UBAP2L: variants seen among roughly 807,000 people sequenced by gnomAD.
UBAP2L encodes the protein ubiquitin-associated protein 2-like.
In UBAP2L, 12 loss-of-function variants were observed where a neutral mutation model predicts 130.6. That is an observed-to-expected ratio of 0.09 (90% CI 0.06 to 0.15). The LOEUF is 0.15. Among genes scored for constraint, UBAP2L ranks in the 10% least tolerant of loss-of-function variants. UBAP2L has a pLI of 1.00. For synonymous variants in UBAP2L, 503 were observed against 524.7 expected, an observed-to-expected ratio of 0.96 and a Z score of 0.57; for missense variants, 965 against 1,332.5, an observed-to-expected ratio of 0.72 and a Z score of 4.29.
chr1:154,236,827 T>G, intron 7 of UBAP2L, among the ~76,000 whole-genome samples, 197 bp from the exon 8 acceptor site: 1 of 152,176 alleles, frequency 6.6e-6, no homozygotes, highest in South Asian at 2.1e-4. Context: ...TCAGAATATC[T>G]TAGATATATG....
chr1:154,235,128 G>C (rs1273278504), intron 5 of UBAP2L, 68 bp from the exon 6 acceptor site: 2 of 701,620 alleles, frequency 2.9e-6, no homozygotes, highest in African/African-American at 3.6e-5. Flanking sequence ...CCTGTTGACT[G>C]TGCTCTGGCC....
chr1:154,251,671 C>T lies in UBAP2L; in HGVS notation c.1664+18C>T, dbSNP rs1677639453. The stretch of plus-strand genomic sequence containing the variant: ...ACGGCCAGGTAGAGGAAACATTAAC[C>T]ATAAGACCTCTCTTATTAACCTTTA... On this transcript the variant is annotated intron_variant, in intron 14 of 26. Transcript: ENST00000428931. 6.2e-7 allele frequency: 1 copy of T among 1,612,812 alleles called. No individual in the cohort carries two copies. The highest frequency in any genetic ancestry group is 8.5e-7 in the Non-Finnish European group (1 of 1,179,602).
chr1:154,257,433 C>A lies in UBAP2L; in HGVS notation c.2441C>A (p.Pro814Gln). The change falls in exon 20 of 27, where the codon CCG becomes CAG. Residue 814 changes from proline to glutamine, a missense_variant and splice_region_variant. Around this residue, in one of 9 missense-constraint regions of UBAP2L, gnomAD observed 393 missense variants for 408.1 expected, o/e 0.96. Transcript: ENST00000428931. Reference protein sequence around the residue: ...IMAPGLLHAYPPQVYGYDDLQ... With the variant: ...IMAPGLLHAYQPQVYGYDDLQ... ...GCTCCAGGGCTGTTACATGCCTACC[C>A]GGTAAGTGGGACTAAAGGATCTTCT... 1 of 1,612,474 alleles carries A rather than the reference C, an allele frequency of 6.2e-7. No homozygotes were observed. Among genetic ancestry groups the A allele is most frequent in the Non-Finnish European group, 8.5e-7 (1 of 1,179,972 alleles).
chr1:154,230,673 A>C (rs1571631361), intron 4 of UBAP2L, among the ~76,000 whole-genome samples: 1 of 152,318 alleles, frequency 6.6e-6, no homozygotes, highest in African/African-American at 2.4e-5. Flanking sequence ...TAGTGCTATA[A>C]GGCTGATGTT....
At position 154,270,389 on chromosome 1, in the gene UBAP2L, G is replaced by T. The variant is rs1278064037; in HGVS notation, c.*94G>T. On this transcript the variant is annotated 3_prime_UTR_variant, in exon 27 of 27. Coordinates refer to ENST00000428931, the MANE Select transcript of UBAP2L (RefSeq NM_014847.4). ...CATCAAAGAGAAAGGAATGTGGGGGGTTTCCGCTGCCCCCCACCCCCAGCG... is the reference window on the plus strand; with the variant it reads ...CATCAAAGAGAAAGGAATGTGGGGGTTTTCCGCTGCCCCCCACCCCCAGCG... 6.4e-7 allele frequency: 1 copy of T among 1,559,546 alleles called. No individual in the cohort carries two copies. The highest frequency in any genetic ancestry group is 1.4e-5 in the African/African-American group (1 of 73,754).
rs1393420983 is a variant in UBAP2L at position 154,235,181 on chromosome 1, T to C, written c.449-15T>C. The C allele has an allele frequency of 1.3e-5, 10 of 754,670 alleles. No homozygotes were observed. Among genetic ancestry groups the C allele is most frequent in the African/African-American group, 5.2e-5 (3 of 57,920 alleles). 46.7% of individuals were successfully genotyped at this position (754,670 alleles called of 1,614,324 possible). ...TTTGTTGTTGTTGTTGTTTTAATTT[T>C]TATTTTTATTTCAGTTCGAGGTCAG... On this transcript the variant is annotated splice_polypyrimidine_tract_variant and intron_variant, in intron 5 of 26. Transcript: ENST00000428931.
chr1:154,260,070 G>T, intron 22 of UBAP2L, 41 bp downstream of exon 22: 2 of 1,594,654 alleles, frequency 1.3e-6, no homozygotes, highest in East Asian at 2.2e-5. Flanking sequence ...AAGGGAGATA[G>T]TGTTGGGATT....
At chr1:154,255,437 G>C (rs1259351074) in intron 17 of UBAP2L, 111 bp downstream of exon 17, 12 of 1,391,032 alleles carry the variant, frequency 8.6e-6, no homozygotes, top group East Asian at 6.9e-5. Flanking sequence ...TGCTTTTGTC[G>C]TAAGTGGGTG....
intron 14 of UBAP2L, among the ~76,000 whole-genome samples, chr1:154,252,304 T>TG (rs1190905830): frequency 6.8e-5 from 9 of 131,558 alleles, no homozygotes. Context: ...TTTTTTTAGA[T>TG]GGAGTTTTGC....
At chr1:154,220,523 T>C (rs577368300), upstream of UBAP2L, 344 of 1,190,986 alleles carry the variant, frequency 2.9e-4, no homozygotes, top group African/African-American at 4.8e-3. Context: ...GCCATTTCCT[T>C]ACGGGGGAAG....
chr1:154,244,611 G>T (rs948964325), intron 10 of UBAP2L, among the ~76,000 whole-genome samples: 4 of 152,030 alleles, frequency 2.6e-5, no homozygotes, highest in African/African-American at 9.7e-5. Context: ...ACCCACCTCA[G>T]CCTCCCAAAG....
Position 154,255,670 on chromosome 1 carries a change from T to C in UBAP2L, c.2085-13T>C. The C allele has an allele frequency of 6.2e-7, 1 of 1,614,144 alleles. No individual in the cohort carries two copies. The highest frequency in any genetic ancestry group is 8.5e-7 in the Non-Finnish European group (1 of 1,180,016). On this transcript the variant is annotated splice_polypyrimidine_tract_variant and intron_variant, in intron 17 of 26. Coordinates refer to ENST00000428931, the MANE Select transcript of UBAP2L (RefSeq NM_014847.4). ...AGCACTATGGCTGATGGCAGCCTCTTTTTTTCTGACAGCACGTTATCTACG... is the reference window on the plus strand; with the variant it reads ...AGCACTATGGCTGATGGCAGCCTCTCTTTTTCTGACAGCACGTTATCTACG...
chr1:154,233,868 GT>G (rs1670738326), intron 4 of UBAP2L, among the ~76,000 whole-genome samples: 1 of 146,428 alleles, frequency 6.8e-6, no homozygotes, highest in Non-Finnish European at 1.5e-5. Flanking sequence ...AAGGAAATTA[GT>G]TTTTTCTTTT....
In UBAP2L at chr1:154,270,235, C is replaced by T; in HGVS notation, c.3204C>T (p.Ile1068=). The stretch of plus-strand genomic sequence containing the variant: ...GGCAACGTAGCCAGACCAGCTCCAT[C>T]CCGCAGAAGCCCCAGACCAACAAGT... ...GSGQRSQTSS[I]PQKPQTNKSA... The change falls in exon 27 of 27, where the codon ATC becomes ATT. Residue 1068 remains isoleucine (I), a synonymous_variant. Transcript: ENST00000428931. 1 of 1,612,996 alleles carries T rather than the reference C, an allele frequency of 6.2e-7. No individual in the cohort carries two copies. The highest frequency in any genetic ancestry group is 1.1e-5 in the South Asian group (1 of 90,720).
Position 154,255,275 on chromosome 1 carries a change from G to A in UBAP2L, c.2033G>A (p.Gly678Asp), listed in dbSNP as rs748582218. ...TTNQHSSSLG[G>D]LSHSEEIPNT... ...AATCAGCATTCATCCTCCTTGGGTG[G>A]CTTGAGCCACAGTGAGGAGATTCCA... is the stretch of plus-strand genomic sequence containing the variant. The change falls in exon 17 of 27, where the codon GGC becomes GAC. Residue 678 changes from glycine to aspartate, a missense_variant. Gly to Asp is a moderately conservative substitution (Grantham distance 94, BLOSUM62 -1). Around this residue, in one of 9 missense-constraint regions of UBAP2L, gnomAD observed 393 missense variants for 408.1 expected, o/e 0.96. Transcript: ENST00000428931. 2 of 1,614,170 alleles carry A rather than the reference G, an allele frequency of 1.2e-6. No individual in the cohort carries two copies. Among genetic ancestry groups the A allele is most frequent in the Non-Finnish European group, 1.7e-6 (2 of 1,180,036 alleles).
At chr1:154,235,364 T>C in intron 6 of UBAP2L, 73 bp downstream of exon 6, 1 of 659,104 alleles carries the variant, frequency 1.5e-6, no homozygotes, top group Non-Finnish European at 2.7e-6. Flanking sequence ...CTTTATTTTT[T>C]TTTTTTATTG....
chr1:154,234,515 G>A (rs1670990284), intron 4 of UBAP2L, 76 bp from the exon 5 acceptor site: 1 of 1,515,652 alleles, frequency 6.6e-7, no homozygotes, highest in Non-Finnish European at 9.1e-7. Flanking sequence ...AAGTCAATCA[G>A]TCATCCCAGC....
intron 9 of UBAP2L, among the ~76,000 whole-genome samples, chr1:154,242,243 T>C (rs1231637795): frequency 1.3e-5 from 2 of 152,244 alleles, no homozygotes; most frequent in Non-Finnish European, 2.9e-5. Flanking sequence ...TCAGTGATCA[T>C]GGATAAACTC....
At chr1:154,247,005 T>C (rs1360481221) in intron 11 of UBAP2L, among the ~76,000 whole-genome samples, 1 of 152,182 alleles carries the variant, frequency 6.6e-6, no homozygotes, top group Non-Finnish European at 1.5e-5. Context: ...CCAAGGTCAT[T>C]AACGACATCA....
Sources: gnomAD v4.1 joint callset for allele counts (sites outside exome capture counted in the v4.1 genomes callset) on GRCh38, gnomAD v4.1.1 for gene constraint, gnomAD v4.1.1 regional missense constraint, MANE v1.5 for transcripts, NCBI Gene and HGNC (gene_info 2026-07-23, HGNC 2026-07-21) for gene names.